Variants in EPHB1 observed in about 807,000 individuals in gnomAD.
The protein encoded by EPHB1 is ephrin type-B receptor 1.
Under a neutral mutation model 94.4 loss-of-function variants are expected in EPHB1, and 30 were observed. That is an observed-to-expected ratio of 0.32 (90% CI 0.24 to 0.43). The LOEUF (loss-of-function observed/expected upper bound fraction) is 0.43. Among genes scored for constraint, EPHB1 ranks in the 20% least tolerant of loss-of-function variants. The pLI, the probability that EPHB1 is intolerant of heterozygous loss-of-function variation, is 1.00. For missense variants in EPHB1, 1,055 were observed against 1,308.3 expected, an observed-to-expected ratio of 0.81 and a Z score of 2.99; for synonymous variants, 522 against 489.1, an observed-to-expected ratio of 1.07 and a Z score of -0.89.
intron 12 of EPHB1, among the ~76,000 whole-genome samples, chr3:135,218,446 T>C (rs1183276323): frequency 6.6e-6 from 1 of 152,226 alleles, no homozygotes; most frequent in East Asian, 1.9e-4. Context: ...CTGTATATTA[T>C]TAGCATGGGT....
At chr3:135,189,781 C>T (rs902593746) in intron 10 of EPHB1, among the ~76,000 whole-genome samples, 2 of 152,204 alleles carry the variant, frequency 1.3e-5, no homozygotes, top group Non-Finnish European at 2.9e-5. Flanking sequence ...TCACCTGGAG[C>T]ACTTTTCCAA....
chr3:134,910,522 A>C (rs960880149), intron 1 of EPHB1, among the ~76,000 whole-genome samples: 11 of 152,240 alleles, frequency 7.2e-5, no homozygotes, highest in African/African-American at 2.7e-4. Context: ...AGTCAATGCT[A>C]TTGATTGGGA....
At chr3:135,149,779 T>G (rs902347206) in intron 5 of EPHB1, among the ~76,000 whole-genome samples, 2 of 152,218 alleles carry the variant, frequency 1.3e-5, no homozygotes, top group Non-Finnish European at 1.5e-5. Flanking sequence ...ACAGGGCCTG[T>G]AACCCTCATG....
intron 10 of EPHB1, among the ~76,000 whole-genome samples, chr3:135,181,420 A>G (rs1201884987): frequency 6.6e-6 from 1 of 152,228 alleles, no homozygotes; most frequent in Non-Finnish European, 1.5e-5. Context: ...AGATGCTGAC[A>G]TATTTAAGGA....
At chr3:134,828,758 G>A (rs960799067) in intron 1 of EPHB1, among the ~76,000 whole-genome samples, 2 of 152,222 alleles carry the variant, frequency 1.3e-5, no homozygotes, top group African/African-American at 4.8e-5. Context: ...GCTTCCTGGA[G>A]ATGCTCAGTG....
At chr3:135,121,367 C>T (rs990137678) in intron 4 of EPHB1, among the ~76,000 whole-genome samples, 7 of 152,262 alleles carry the variant, frequency 4.6e-5, no homozygotes, top group Non-Finnish European at 5.9e-5. Context: ...CTAAATCAAA[C>T]GAGTAGTTTT....
chr3:135,160,687 C>T (rs1398414886), intron 6 of EPHB1, among the ~76,000 whole-genome samples: 1 of 152,126 alleles, frequency 6.6e-6, no homozygotes, highest in Non-Finnish European at 1.5e-5. Flanking sequence ...AAGATATGCT[C>T]CTGTGAAAAT....
At chr3:135,240,067 G>T (rs1943744722) in intron 12 of EPHB1, among the ~76,000 whole-genome samples, 1 of 152,130 alleles carries the variant, frequency 6.6e-6, no homozygotes, top group Admixed American at 6.5e-5. Flanking sequence ...AACAGCTCCT[G>T]CCTGCCTTCC....
At chr3:135,194,963 T>G (rs1486260603) in intron 11 of EPHB1, among the ~76,000 whole-genome samples, 1 of 152,214 alleles carries the variant, frequency 6.6e-6, no homozygotes, top group Non-Finnish European at 1.5e-5. Flanking sequence ...CTGCCACACC[T>G]GTCATGTCAG....
At chr3:135,077,148 A>T (rs1015594155) in intron 3 of EPHB1, among the ~76,000 whole-genome samples, 4 of 152,202 alleles carry the variant, frequency 2.6e-5, no homozygotes, top group Non-Finnish European at 5.9e-5. Flanking sequence ...AGATTCCAGA[A>T]TGTATTTTGC....
intron 15 of EPHB1, among the ~76,000 whole-genome samples, 156 bp from the exon 16 acceptor site, chr3:135,258,856 C>G (rs1166573813): frequency 6.6e-6 from 1 of 152,162 alleles, no homozygotes; most frequent in Non-Finnish European, 1.5e-5. Context: ...AGGAAAATCT[C>G]TAATTGGAAG....
At chr3:134,964,098 G>C (rs574386250) in intron 3 of EPHB1, among the ~76,000 whole-genome samples, 55 of 152,322 alleles carry the variant, frequency 3.6e-4, no homozygotes, top group African/African-American at 1.3e-3. Flanking sequence ...AATGAAAACA[G>C]AACAAAACAC....
At chr3:135,196,253 A>C (rs1942612350) in intron 11 of EPHB1, among the ~76,000 whole-genome samples, 1 of 152,028 alleles carries the variant, frequency 6.6e-6, no homozygotes, top group Non-Finnish European at 1.5e-5. Context: ...TCAGATGAGT[A>C]GGTTGCGAAA....
At chr3:135,151,303 C>G (rs1941186096) in intron 5 of EPHB1, among the ~76,000 whole-genome samples, 1 of 152,140 alleles carries the variant, frequency 6.6e-6, no homozygotes, top group Non-Finnish European at 1.5e-5. Flanking sequence ...GGTCCTGCCC[C>G]CTGTGGACTC....
At position 135,249,378 on chromosome 3, in the gene EPHB1, G is replaced by A. The variant is rs538522857; in HGVS notation, c.2733G>A (p.Thr911=). The change falls in exon 15 of 16, where the codon ACG becomes ACA. Residue 911 remains threonine (T), a synonymous_variant. Transcript: ENST00000398015. ...TCGACCGCTCCATCCCAGACTTCAC[G>A]GCCTTTACCACCGTGGATGACTGGC... ...PLLDRSIPDF[T]AFTTVDDWLS... 26 of 1,613,870 alleles carry A rather than the reference G, an allele frequency of 1.6e-5. No homozygotes were observed. The African/African-American group carries it at 1.9e-4, about 12-fold the overall frequency.
At chr3:135,036,152 C>T (rs751272953) in intron 3 of EPHB1, among the ~76,000 whole-genome samples, 2 of 152,148 alleles carry the variant, frequency 1.3e-5, no homozygotes, top group Non-Finnish European at 2.9e-5. Flanking sequence ...CCCCAGGAGC[C>T]TATGGTTGGG....
intron 3 of EPHB1, among the ~76,000 whole-genome samples, chr3:134,982,018 A>G (rs1017737820): frequency 6.6e-6 from 1 of 152,368 alleles, no homozygotes; most frequent in South Asian, 2.1e-4. Context: ...TGCCATTTAC[A>G]AATGAGTAAG....
At chr3:135,214,733 TTCCATGCTGAAATCTGTAG>T (rs1943108601) in intron 12 of EPHB1, among the ~76,000 whole-genome samples, 3 of 152,210 alleles carry the variant, frequency 2.0e-5, no homozygotes, top group African/African-American at 7.2e-5. Flanking sequence ...CCACAATCGC[TTCCATGCTGAAATCTGTAG>T]GGCCCTTCCT....
chr3:134,951,854 T>G lies in EPHB1; in HGVS notation c.607T>G (p.Phe203Val). The G allele has an allele frequency of 6.2e-7, 1 of 1,614,026 alleles. No individual in the cohort carries two copies. Among genetic ancestry groups the G allele is most frequent in the East Asian group, 2.2e-5 (1 of 44,884 alleles). The change falls in exon 3 of 16, where the codon TTT becomes GTT. Residue 203 changes from phenylalanine (F) to valine (V), a missense_variant. Physicochemically the swap from Phe to Val is conservative, Grantham distance 50. Transcript: ENST00000398015. The surrounding 1 kb of genome is among the most constrained non-coding windows in gnomAD (Gnocchi z 4.5). ...AAAGTGTCCCAGCATTGTGCAAAAT[T>G]TTGCAGTGTTTCCAGAGACTATGAC... ...FKKCPSIVQNFAVFPETMTGA... is the reference protein window; with the variant it reads ...FKKCPSIVQNVAVFPETMTGA...
Sources: gnomAD v4.1 joint callset for allele counts (sites outside exome capture counted in the v4.1 genomes callset) on GRCh38, gnomAD v4.1.1 for gene constraint, Gnocchi (gnomAD v3.1) non-coding constraint, MANE v1.5 for transcripts, NCBI Gene and HGNC (gene_info 2026-07-23, HGNC 2026-07-21) for gene names.